The following PRELID2 variants were observed in gnomAD, a reference collection of about 807,000 sequenced individuals.
PRELID2 encodes PRELI domain containing 2.
PRELID2 carries 25 observed loss-of-function variants against 28.4 expected under a neutral mutation model. The observed-to-expected ratio is 0.88, with a 90% CI of 0.64 to 1.23. The LOEUF is 1.23. PRELID2 is among the 50% of genes most tolerant of loss of function. The probability of loss-of-function intolerance (pLI) is 0.00; values close to 1 mark genes in which losing one functional copy is unlikely to be tolerated. For synonymous variants in PRELID2, 76 were observed against 71.6 expected, an observed-to-expected ratio of 1.06 and a Z score of -0.31; for missense variants, 201 against 214.4, an observed-to-expected ratio of 0.94 and a Z score of 0.39.
chr5:145,803,677 A>G (rs555764333), intron 4 of PRELID2, among the ~76,000 whole-genome samples: 1 of 151,940 alleles, frequency 6.6e-6, no homozygotes, highest in African/African-American at 2.4e-5. Flanking sequence ...AAACAGTACT[A>G]ACATTAGTAA....
At chr5:145,438,255 T>C in the PRELID2 span, among the ~76,000 whole-genome samples, 2 of 151,998 alleles carry the variant, frequency 1.3e-5, no homozygotes, top group African/African-American at 4.8e-5. Context: ...CATCAGAGAT[T>C]TGGGGAAAAA....
At chr5:145,425,290 C>A in the PRELID2 span, among the ~76,000 whole-genome samples, 33 of 152,240 alleles carry the variant, frequency 2.2e-4, no homozygotes, top group Non-Finnish European at 4.4e-4. Flanking sequence ...AAAATGAATC[C>A]TTTTACACTG....
chr5:145,593,188 G>A (rs962906147), intron 1 of PRELID2, among the ~76,000 whole-genome samples: 5 of 152,118 alleles, frequency 3.3e-5, no homozygotes, highest in Admixed American at 6.6e-5. Flanking sequence ...AGAATCATAC[G>A]TCCTAGTCTT....
chr5:145,685,304 A>C (rs1472039322), intron 1 of PRELID2, among the ~76,000 whole-genome samples: 1 of 151,558 alleles, frequency 6.6e-6, no homozygotes, highest in Non-Finnish European at 1.5e-5. Flanking sequence ...CCCTGTTTTC[A>C]CTCTTCCATA....
chr5:145,400,092 G>A, the PRELID2 span, among the ~76,000 whole-genome samples: 1 of 151,984 alleles, frequency 6.6e-6, no homozygotes, highest in African/African-American at 2.4e-5. Flanking sequence ...GACCTTTATT[G>A]GATAATGGCT....
the PRELID2 span, among the ~76,000 whole-genome samples, chr5:145,248,741 G>A: frequency 6.3e-4 from 95 of 150,160 alleles, 1 homozygote; most frequent in Non-Finnish European, 3.0e-4. Context: ...AGGTTGCAGT[G>A]AACCGAGATC....
At chr5:145,595,069 A>G (rs1753283818) in intron 1 of PRELID2, among the ~76,000 whole-genome samples, 1 of 151,976 alleles carries the variant, frequency 6.6e-6, no homozygotes, top group Non-Finnish European at 1.5e-5. Context: ...CAGAGGTTGC[A>G]GTGAGCCAAG....
chr5:145,263,476 C>T, the PRELID2 span, among the ~76,000 whole-genome samples: 6 of 150,166 alleles, frequency 4.0e-5, no homozygotes, highest in African/African-American at 1.5e-4. Context: ...TAAATTAAAA[C>T]AAAAAAAATT....
chr5:145,475,225 A>G (rs1752089742), intron 1 of PRELID2, among the ~76,000 whole-genome samples: 1 of 152,232 alleles, frequency 6.6e-6, no homozygotes, highest in African/African-American at 2.4e-5. Context: ...TAAGTTAGCT[A>G]GCCAGAATTA....
the PRELID2 span, among the ~76,000 whole-genome samples, chr5:145,257,920 G>C: frequency 6.6e-6 from 1 of 152,118 alleles, no homozygotes; most frequent in South Asian, 2.1e-4. Flanking sequence ...TCTCATGCAT[G>C]GTTTAGCATC....
chr5:145,610,968 T>C (rs910363378), intron 1 of PRELID2, among the ~76,000 whole-genome samples: 8 of 148,318 alleles, frequency 5.4e-5, no homozygotes, highest in Admixed American at 1.3e-4. Context: ...AGAAATATAT[T>C]TCTTTATATA....
chr5:145,315,514 C>T, the PRELID2 span, among the ~76,000 whole-genome samples: 3 of 150,776 alleles, frequency 2.0e-5, no homozygotes, highest in Non-Finnish European at 2.9e-5. Flanking sequence ...GACTACTTTA[C>T]CTGGATGTCC....
At chr5:145,246,906 C>A in the PRELID2 span, among the ~76,000 whole-genome samples, 1 of 152,112 alleles carries the variant, frequency 6.6e-6, no homozygotes, top group African/African-American at 2.4e-5. Flanking sequence ...CCGGAAAAGA[C>A]CCTCTTCTTT....
the PRELID2 span, among the ~76,000 whole-genome samples, chr5:145,307,692 G>A: frequency 6.6e-6 from 1 of 152,090 alleles, no homozygotes; most frequent in South Asian, 2.1e-4. Context: ...TTTGGCTGTG[G>A]GCAGGAGAGA....
At chr5:145,266,993 A>G in the PRELID2 span, among the ~76,000 whole-genome samples, 1 of 152,118 alleles carries the variant, frequency 6.6e-6, no homozygotes, top group African/African-American at 2.4e-5. Flanking sequence ...CAAAGGCATA[A>G]GAATGATACA....
chr5:145,510,356 GT>G (rs1752450501), intron 1 of PRELID2, among the ~76,000 whole-genome samples: 2 of 152,130 alleles, frequency 1.3e-5, no homozygotes, highest in East Asian at 1.9e-4. Flanking sequence ...CATTGACATT[GT>G]TTTTTAATGG....
chr5:145,442,653 TG>T, the PRELID2 span, among the ~76,000 whole-genome samples: 5 of 152,018 alleles, frequency 3.3e-5, no homozygotes, highest in East Asian at 9.7e-4. Flanking sequence ...TGAGGTGAGA[TG>T]GTTGCATGGG....
chr5:145,315,242 G>C, the PRELID2 span, among the ~76,000 whole-genome samples: 1 of 151,306 alleles, frequency 6.6e-6, no homozygotes, highest in African/African-American at 2.4e-5. Context: ...GCTAATTTTT[G>C]TATTTTTTAG....
At chr5:145,257,061 A>G in the PRELID2 span, among the ~76,000 whole-genome samples, 21 of 151,996 alleles carry the variant, frequency 1.4e-4, 1 homozygote, top group African/African-American at 4.8e-5. Context: ...AATTCTATAA[A>G]GCATGAATAT....
Sources: allele counts gnomAD v4.1 joint callset (sites outside exome capture counted in the v4.1 genomes callset), GRCh38; gene constraint gnomAD v4.1.1; transcripts MANE v1.5; gene names NCBI Gene and HGNC (gene_info 2026-07-23, HGNC 2026-07-21).